The following FAM135B variants were observed in gnomAD, a reference collection of about 807,000 sequenced individuals.
FAM135B encodes the protein protein FAM135B.
In FAM135B, 43 loss-of-function variants were observed where a neutral mutation model predicts 127.7. The observed-to-expected ratio is 0.34, with a 90% CI of 0.26 to 0.43. FAM135B has a LOEUF of 0.43. Among genes scored for constraint, FAM135B ranks in the 20% least tolerant of loss-of-function variants. The probability of loss-of-function intolerance (pLI) is 1.00; values close to 1 mark genes in which losing one functional copy is unlikely to be tolerated. For missense variants in FAM135B, 1,558 were observed against 1,725.6 expected (o/e 0.90, Z 1.72); for synonymous variants, 670 against 665.1 (o/e 1.01, Z -0.11).
intron 9 of FAM135B, among the ~76,000 whole-genome samples, chr8:138,193,822 G>GC (rs748107930): frequency 4.6e-5 from 7 of 152,162 alleles, no homozygotes; most frequent in Admixed American, 1.3e-4. Context: ...GGAATCCCAG[G>GC]CCCCAGAGGG....
chr8:138,445,857 T>C lies in FAM135B; in HGVS notation c.-20+50814A>G, dbSNP rs190565600. Among the ~76,000 whole-genome samples the C allele has an allele frequency of 7.1e-3, 1,081 of 152,252 alleles. 13 individuals carry two copies. Among genetic ancestry groups the C allele is most frequent in the Non-Finnish European group, 0.01 (713 of 68,018 alleles). On this transcript the variant is annotated intron_variant, in intron 1 of 19. Coordinates refer to ENST00000395297, the MANE Select transcript of FAM135B (RefSeq NM_015912.4). Reference sequence around the variant, plus strand: ...GGTATTCAGTTAGGAAAAGAGGAAGTCAAATTATCCCTGTTTGCAGATGAC... The same window carrying C: ...GGTATTCAGTTAGGAAAAGAGGAAGCCAAATTATCCCTGTTTGCAGATGAC...
At chr8:138,418,931 C>T (rs34014572) in intron 1 of FAM135B, among the ~76,000 whole-genome samples, 10,138 of 147,020 alleles carry the variant, frequency 0.069, 788 homozygotes, top group East Asian at 0.26. Flanking sequence ...ACTGACACTA[C>T]AACAACTACA....
rs1489349797 is a variant in FAM135B, at chr8:138,256,261, G to A, written c.368+428C>T. 2.0e-5 allele frequency among the ~76,000 whole-genome samples: 3 copies of A among 152,124 alleles called. No individual in the cohort carries two copies. The East Asian group carries it at 5.8e-4, about 29-fold the overall frequency. ...AGGTTATAGATAAATGGAGTTTCAA[G>A]TTTCAGAGTTGAAACATAATAGCAG... On this transcript the variant is annotated intron_variant, in intron 5 of 19. Transcript: ENST00000395297.
At chr8:138,388,291 G>C (rs563701719) in intron 1 of FAM135B, among the ~76,000 whole-genome samples, 1 of 152,272 alleles carries the variant, frequency 6.6e-6, no homozygotes, top group East Asian at 1.9e-4. Context: ...ATTCACTGCT[G>C]GTGGGAATGC....
At chr8:138,364,004 C>T (rs1415117418) in intron 2 of FAM135B, among the ~76,000 whole-genome samples, 2 of 152,226 alleles carry the variant, frequency 1.3e-5, no homozygotes, top group East Asian at 1.9e-4. Flanking sequence ...CACACATCCT[C>T]GCACCCCAAA....
chr8:138,221,857 G>A (rs188722885), intron 7 of FAM135B, among the ~76,000 whole-genome samples: 2 of 152,256 alleles, frequency 1.3e-5, no homozygotes, highest in Non-Finnish European at 2.9e-5. Flanking sequence ...GCACACACAC[G>A]CACATGCGCA....
chr8:138,421,580 G>A (rs1015640509), intron 1 of FAM135B, among the ~76,000 whole-genome samples: 8 of 152,062 alleles, frequency 5.3e-5, no homozygotes, highest in African/African-American at 1.9e-4. Flanking sequence ...CAGCTAACCA[G>A]GGATGTCAAA....
intron 11 of FAM135B, among the ~76,000 whole-genome samples, chr8:138,171,246 C>G (rs1037447127): frequency 6.6e-5 from 10 of 152,172 alleles, no homozygotes; most frequent in Non-Finnish European, 1.3e-4. Flanking sequence ...AAAAACAGAT[C>G]CTGGTAACAA....
intron 11 of FAM135B, among the ~76,000 whole-genome samples, chr8:138,175,308 A>G (rs1351455973): frequency 6.7e-6 from 1 of 149,872 alleles, no homozygotes; most frequent in Non-Finnish European, 1.5e-5. Context: ...TATTCTAGCT[A>G]CACTTGCCTT....
In FAM135B at chr8:138,427,273, TTATATA is replaced by T. The variant is rs34227349; in HGVS notation, c.-19-59277_-19-59272del. On this transcript the variant is annotated intron_variant, in intron 1 of 19. Coordinates refer to ENST00000395297, the MANE Select transcript of FAM135B (RefSeq NM_015912.4). ...TTGAGTTGGAAGAAATTCATCAAGA[TTATATA>T]TATATATATATAATATTTATGCATT... Among the ~76,000 whole-genome samples the T allele has an allele frequency of 4.8e-5, 7 of 146,342 alleles. No homozygotes were observed. In the South Asian group the frequency reaches 8.6e-4, roughly 18 times the overall value.
intron 1 of FAM135B, among the ~76,000 whole-genome samples, chr8:138,486,631 C>T (rs1022715535): frequency 6.6e-6 from 1 of 152,202 alleles, no homozygotes; most frequent in Non-Finnish European, 1.5e-5. Flanking sequence ...AGGAGGAAGA[C>T]TGTGTGGGCC....
At chr8:138,492,146 G>A (rs1815228172) in intron 1 of FAM135B, among the ~76,000 whole-genome samples, 1 of 152,032 alleles carries the variant, frequency 6.6e-6, no homozygotes, top group Admixed American at 6.6e-5. Flanking sequence ...ATAGAGGCAG[G>A]GACATCAATT....
intron 1 of FAM135B, among the ~76,000 whole-genome samples, chr8:138,432,293 G>A (rs901882946): frequency 2.0e-5 from 3 of 152,158 alleles, no homozygotes; most frequent in African/African-American, 4.8e-5. Flanking sequence ...TGATAAGAAT[G>A]AACAGGCCTT....
rs187375903 is a variant in FAM135B, at chr8:138,401,233, G to T, written c.-19-33231C>A. 2.6e-3 allele frequency among the ~76,000 whole-genome samples: 396 copies of T among 152,292 alleles called. 1 individual carries two copies. The highest frequency in any genetic ancestry group is 4.5e-3 in the Non-Finnish European group (308 of 68,038). On this transcript the variant is annotated intron_variant, in intron 1 of 19. Coordinates refer to ENST00000395297, the MANE Select transcript of FAM135B (RefSeq NM_015912.4). ...CTGTAATACTCTAAGCAGGACTAGT[G>T]CAGAATGTCTCCCTAGCTCCCTTAA...
rs542886574 is a variant in FAM135B, at chr8:138,485,625, C to T, written c.-20+11046G>A. ...TAAGGTTAATACAGTTAAAGCAACA[C>T]GATTGAAGTCTTTCAATCTCCTAGG... On this transcript the variant is annotated intron_variant, in intron 1 of 19. Coordinates refer to ENST00000395297, the MANE Select transcript of FAM135B (RefSeq NM_015912.4). Among the ~76,000 whole-genome samples the T allele has an allele frequency of 7.2e-5, 11 of 152,218 alleles. No homozygotes were observed. The South Asian group carries it at 1.2e-3, about 17-fold the overall frequency.
At position 138,426,100 on chromosome 8, in the gene FAM135B, A is replaced by C. The variant is rs554038544; in HGVS notation, c.-19-58098T>G. On this transcript the variant is annotated intron_variant, in intron 1 of 19. Transcript: ENST00000395297. ...ATATAAAATGTTTTATGTATGTTTT[A>C]TATATATATATACACATATGTGTGT... 2.0e-3 allele frequency among the ~76,000 whole-genome samples: 243 copies of C among 121,218 alleles called. 10 individuals carry two copies. Among genetic ancestry groups the C allele is most frequent in the African/African-American group, 7.0e-3 (228 of 32,774 alleles). 79.5% of individuals were successfully genotyped at this position (121,218 alleles called of 152,430 possible). A position where few individuals can be genotyped will look rare whatever the true frequency, so the allele number is the denominator to read the frequency against.
Position 138,426,138 on chromosome 8 carries a change from GTA to G in FAM135B, c.-19-58138_-19-58137del, listed in dbSNP as rs375644479. Among the ~76,000 whole-genome samples the G allele has an allele frequency of 6.4e-5, 9 of 139,776 alleles. No individual in the cohort carries two copies. The East Asian group carries it at 6.5e-4, about 10-fold the overall frequency. The allele number at this position is 139,776 out of a possible 152,430, so 91.7% of individuals were successfully genotyped here. The stretch of plus-strand genomic sequence containing the variant: ...CACATATGTGTGTGTGTGTGTGTGT[GTA>G]TATATATATATAATGCTAAGCACAA... On this transcript the variant is annotated intron_variant, in intron 1 of 19. Transcript: ENST00000395297.
intron 18 of FAM135B, 43 bp downstream of exon 18, chr8:138,138,943 C>T (rs374282935): frequency 1.9e-5 from 24 of 1,235,888 alleles, no homozygotes; most frequent in Non-Finnish European, 2.9e-5. Context: ...AGTTGAATCC[C>T]AAGCTCAAAC....
intron 1 of FAM135B, among the ~76,000 whole-genome samples, chr8:138,410,763 C>T (rs181250444): frequency 3.7e-4 from 57 of 152,254 alleles, no homozygotes; most frequent in Admixed American, 3.7e-3. Context: ...TACCATTCTA[C>T]CCAGCAATCC....
Sources: allele counts gnomAD v4.1 joint callset (sites outside exome capture counted in the v4.1 genomes callset), GRCh38; gene constraint gnomAD v4.1.1; transcripts MANE v1.5; gene names NCBI Gene and HGNC (gene_info 2026-07-23, HGNC 2026-07-21).